JPH1: variants seen among roughly 807,000 people sequenced by gnomAD.
JPH1 encodes junctophilin 1, also known as junctophilin-1.
JPH1 carries 12 observed loss-of-function variants against 53.6 expected under a neutral mutation model. That is an observed-to-expected ratio of 0.22 (90% CI 0.14 to 0.36). The LOEUF is 0.36. Ranked by LOEUF, JPH1 falls within the 10% of genes least tolerant of loss-of-function variation. JPH1 has a pLI of 1.00. For synonymous variants in JPH1, 375 were observed against 363.8 expected (o/e 1.03, Z -0.35); for missense variants, 808 against 905.5 (o/e 0.89, Z 1.38).
chr8:74,321,090 C>T lies in JPH1; in HGVS notation c.198G>A (p.Gln66=). 1 of 1,613,592 alleles carries T rather than the reference C, an allele frequency of 6.2e-7. No individual in the cohort carries two copies. Among genetic ancestry groups the T allele is most frequent in the Non-Finnish European group, 8.5e-7 (1 of 1,179,766 alleles). The change falls in exon 1 of 6, where the codon CAG becomes CAA. Residue 66 remains glutamine (Q), a synonymous_variant. Coordinates refer to ENST00000342232, the MANE Select transcript of JPH1 (RefSeq NM_020647.4). The surrounding 1 kb of genome is among the most constrained non-coding windows in gnomAD (Gnocchi z 4.3). The part of the protein sequence containing the change: ...SGNTYQGYWA[Q]GKRHGLGVET... ...CCACCCCCAGCCCGTGCCGCTTGCC[C>T]TGCGCCCAGTAGCCCTGGTAGGTGT...
intron 3 of JPH1, among the ~76,000 whole-genome samples, chr8:74,248,688 A>C (rs1805939150): frequency 6.6e-6 from 1 of 152,236 alleles, no homozygotes; most frequent in African/African-American, 2.4e-5. Flanking sequence ...CCAGAGGAAG[A>C]TTAAATGCTT....
intron 2 of JPH1, among the ~76,000 whole-genome samples, chr8:74,313,743 T>G (rs1454336258): frequency 6.6e-6 from 1 of 152,184 alleles, no homozygotes; most frequent in Non-Finnish European, 1.5e-5. Context: ...AAAGGGCGTT[T>G]ACTTCTGTGG....
chr8:74,306,788 GGTTTCACCAT>G (rs1807848213), intron 2 of JPH1, among the ~76,000 whole-genome samples: 1 of 151,902 alleles, frequency 6.6e-6, no homozygotes, highest in Non-Finnish European at 1.5e-5. Context: ...GTAGAGATGG[GGTTTCACCAT>G]GTTGGCCAGG....
Position 74,321,485 on chromosome 8 carries a change from TC to T in JPH1, c.-199del. On this transcript the variant is annotated 5_prime_UTR_variant, in exon 1 of 6. Coordinates refer to ENST00000342232, the MANE Select transcript of JPH1 (RefSeq NM_020647.4). The surrounding 1 kb of genome is among the most constrained non-coding windows in gnomAD (Gnocchi z 4.3). ...TTTGCCGCCGCCACCGCCGCCTTCC[TC>T]CTCCTCCTCCTCCTCCTTCGCCGCC... 1 of 457,442 alleles carries T rather than the reference TC, an allele frequency of 2.2e-6. No individual in the cohort carries two copies. The highest frequency in any genetic ancestry group is 3.5e-6 in the Non-Finnish European group (1 of 281,902). The allele number at this position is 457,442 out of a possible 1,614,324, so 28.3% of individuals were successfully genotyped here.
At chr8:74,273,557 C>T (rs1364727244) in intron 2 of JPH1, among the ~76,000 whole-genome samples, 1 of 152,160 alleles carries the variant, frequency 6.6e-6, no homozygotes. Context: ...GTCAGGATCG[C>T]TCATATTTTT....
At chr8:74,253,701 CA>C (rs766269075) in intron 3 of JPH1, among the ~76,000 whole-genome samples, 1 of 151,876 alleles carries the variant, frequency 6.6e-6, no homozygotes, top group Non-Finnish European at 1.5e-5. Context: ...TAAAAAATGA[CA>C]AAGGGGATAT....
chr8:74,265,263 C>T (rs559965267), intron 2 of JPH1, among the ~76,000 whole-genome samples: 50 of 152,228 alleles, frequency 3.3e-4, no homozygotes, highest in Middle Eastern at 3.4e-3. Flanking sequence ...TACTATTCAG[C>T]CTCCTTTTGT....
At chr8:74,289,149 C>G (rs183736590) in intron 2 of JPH1, among the ~76,000 whole-genome samples, 1 of 152,148 alleles carries the variant, frequency 6.6e-6, no homozygotes, top group Non-Finnish European at 1.5e-5. Flanking sequence ...CCTTCAGTAA[C>G]GGGAAAGGAC....
chr8:74,248,158 A>G (rs1196435130), intron 3 of JPH1, among the ~76,000 whole-genome samples: 1 of 152,196 alleles, frequency 6.6e-6, no homozygotes, highest in East Asian at 1.9e-4. Flanking sequence ...GTCTTACATG[A>G]TTACTCATGC....
intron 3 of JPH1, among the ~76,000 whole-genome samples, chr8:74,258,885 C>T (rs897256322): frequency 6.6e-6 from 1 of 152,112 alleles, no homozygotes; most frequent in African/African-American, 2.4e-5. Flanking sequence ...ACTCAGACCT[C>T]GGGTGATATT....
intron 2 of JPH1, among the ~76,000 whole-genome samples, chr8:74,296,750 G>A (rs946756071): frequency 2.6e-5 from 4 of 152,066 alleles, no homozygotes; most frequent in African/African-American, 7.2e-5. Flanking sequence ...AGATATAATT[G>A]ACAAATAAAT....
At chr8:74,241,823 C>A (rs1220530272) in intron 4 of JPH1, among the ~76,000 whole-genome samples, 1 of 152,104 alleles carries the variant, frequency 6.6e-6, no homozygotes, top group Non-Finnish European at 1.5e-5. Flanking sequence ...AACTTGGATG[C>A]AAATCACAGG....
intron 2 of JPH1, among the ~76,000 whole-genome samples, chr8:74,266,879 T>A (rs1179874855): frequency 2.0e-5 from 3 of 152,126 alleles, no homozygotes; most frequent in African/African-American, 7.2e-5. Context: ...TGTATAGCAA[T>A]AACTGATGGG....
chr8:74,252,901 A>C (rs1426107801), intron 3 of JPH1, among the ~76,000 whole-genome samples: 1 of 152,096 alleles, frequency 6.6e-6, no homozygotes, highest in African/African-American at 2.4e-5. Flanking sequence ...GCAAGTCCTT[A>C]GTGACCTAGA....
chr8:74,277,687 T>C (rs928412750), intron 2 of JPH1, among the ~76,000 whole-genome samples: 1 of 152,186 alleles, frequency 6.6e-6, no homozygotes, highest in African/African-American at 2.4e-5. Context: ...ACGTGAATAG[T>C]GGTAGAACCC....
chr8:74,285,338 T>C (rs1417309932), intron 2 of JPH1, among the ~76,000 whole-genome samples: 1 of 152,018 alleles, frequency 6.6e-6, no homozygotes, highest in Non-Finnish European at 1.5e-5. Flanking sequence ...ATAAATACTA[T>C]ATGTATTTAA....
At position 74,320,451 on chromosome 8, in the gene JPH1, G is replaced by A. The variant is rs911400553; in HGVS notation, c.379+458C>T. ...TCCACGTGAAACCAATCCCGGGAGC[G>A]GTCAGCACGGACCGCCAACCTCACC... is the stretch of plus-strand genomic sequence containing the variant. On this transcript the variant is annotated intron_variant, in intron 1 of 5. Transcript: ENST00000342232. This position sits in a 1 kb window ranked among gnomAD's most constrained non-coding sequence, Gnocchi z 4.4. Among the ~76,000 whole-genome samples the A allele has an allele frequency of 7.2e-5, 11 of 152,284 alleles. No individual in the cohort carries two copies. In the South Asian group the frequency reaches 1.7e-3, roughly 23 times the overall value.
In JPH1 at chr8:74,237,290, A is replaced by G; in HGVS notation, c.1919T>C (p.Ile640Thr). Residue 640 changes from isoleucine to threonine, a missense_variant, in exon 5 of 6, where the codon ATC becomes ACC. Physicochemically the swap from Ile to Thr is moderately conservative, Grantham distance 89 (BLOSUM62 -1). Transcript: ENST00000342232. ...EKEANSGPNS[I>T]MIVLVMLLNI... is the part of the protein sequence containing the mutation. ...CAACAGCATGACAAGGACAATCATG[A>G]TTGAATTAGGGCCCTGAAAATGAAA... is the stretch of plus-strand genomic sequence containing the variant. 6.2e-7 allele frequency: 1 copy of G among 1,613,112 alleles called. No individual in the cohort carries two copies. The highest frequency in any genetic ancestry group is 1.7e-5 in the Admixed American group (1 of 59,958).
chr8:74,314,724 TA>T, intron 2 of JPH1, 136 bp downstream of exon 2: 1 of 999,862 alleles, frequency 1.0e-6, no homozygotes, highest in Non-Finnish European at 1.5e-6. Flanking sequence ...CTACTGAGTG[TA>T]ATCATTTTTC....
Sources: allele counts gnomAD v4.1 joint callset (sites outside exome capture counted in the v4.1 genomes callset), GRCh38; gene constraint gnomAD v4.1.1; non-coding constraint Gnocchi (gnomAD v3.1); transcripts MANE v1.5; gene names NCBI Gene and HGNC (gene_info 2026-07-23, HGNC 2026-07-21).